The following NEK10 variants were observed in gnomAD, a reference collection of about 807,000 sequenced individuals.
The protein encoded by NEK10 is serine/threonine-protein kinase Nek10.
A neutral mutation model predicts 159.8 loss-of-function variants in NEK10; 122 were observed. The observed-to-expected ratio is 0.76, with a 90% CI of 0.66 to 0.89. The LOEUF is 0.89. Among genes scored for constraint, NEK10 ranks in the 40% least tolerant of loss-of-function variants. The probability of loss-of-function intolerance (pLI) is 0.00; values close to 1 mark genes in which losing one functional copy is unlikely to be tolerated. For missense variants in NEK10, 1,342 were observed against 1,323.1 expected, an observed-to-expected ratio of 1.01 and a Z score of -0.22; for synonymous variants, 466 against 457.1, an observed-to-expected ratio of 1.02 and a Z score of -0.25.
At chr3:27,257,788 C>CTTTTTTT (rs79727702) in intron 22 of NEK10, among the ~76,000 whole-genome samples, 41 of 130,494 alleles carry the variant, frequency 3.1e-4, no homozygotes, top group East Asian at 4.3e-4. Context: ...TTTCTTTTTT[C>CTTTTTTT]TTTTTTTTTT....
At chr3:27,313,660 T>C (rs1028192484) in intron 7 of NEK10, among the ~76,000 whole-genome samples, 1 of 152,112 alleles carries the variant, frequency 6.6e-6, no homozygotes, top group African/African-American at 2.4e-5. Flanking sequence ...CATATTTCTT[T>C]TCCTCCCACC....
chr3:27,256,443 A>G (rs1475991061), intron 22 of NEK10, 72 bp from the exon 23 acceptor site: 3 of 787,810 alleles, frequency 3.8e-6, no homozygotes, highest in Non-Finnish European at 5.8e-6. Context: ...AGCATTTGAC[A>G]ATCTACACAA....
intron 32 of NEK10, among the ~76,000 whole-genome samples, chr3:27,123,407 T>C (rs1301876327): frequency 1.3e-5 from 2 of 151,760 alleles, no homozygotes; most frequent in African/African-American, 2.4e-5. Flanking sequence ...AACTTGGAGG[T>C]AAAGGTTGGG....
chr3:27,122,213 G>C (rs1432483332), intron 32 of NEK10, among the ~76,000 whole-genome samples: 2 of 152,030 alleles, frequency 1.3e-5, no homozygotes, highest in Non-Finnish European at 2.9e-5. Flanking sequence ...TAAGTGTCTG[G>C]CATTTCCCCT....
At chr3:27,311,829 C>A in intron 8 of NEK10, 2 of 401,196 alleles carry the variant, frequency 5.0e-6, no homozygotes, top group Admixed American at 4.4e-5. Flanking sequence ...TAAAAAGACG[C>A]AAAAATAGAT....
chr3:27,346,249 T>C (rs376960607), intron 3 of NEK10, 33 bp from the exon 4 acceptor site: 7 of 1,611,598 alleles, frequency 4.3e-6, no homozygotes, highest in Non-Finnish European at 5.9e-6. Context: ...TACATGAGGA[T>C]CACAATTCAG....
intron 5 of NEK10, among the ~76,000 whole-genome samples, chr3:27,331,186 TGAGA>T (rs1161024418): frequency 7.4e-6 from 1 of 135,882 alleles, no homozygotes; most frequent in East Asian, 2.2e-4. Context: ...TGCAGTGAGC[TGAGA>T]TCAGGCCACT....
chr3:27,298,397 G>A (rs965685222), intron 13 of NEK10, among the ~76,000 whole-genome samples: 5 of 152,064 alleles, frequency 3.3e-5, no homozygotes, highest in South Asian at 2.1e-4. Flanking sequence ...CTTGCCTTCC[G>A]CCATGATTGT....
intron 32 of NEK10, among the ~76,000 whole-genome samples, chr3:27,126,994 C>T (rs1006304755): frequency 6.6e-6 from 1 of 150,790 alleles, no homozygotes; most frequent in Non-Finnish European, 1.5e-5. Flanking sequence ...AGGAGAAGCC[C>T]GGAATACACT....
chr3:27,151,274 C>T (rs770550653), intron 30 of NEK10, among the ~76,000 whole-genome samples: 1 of 152,104 alleles, frequency 6.6e-6, no homozygotes, highest in Non-Finnish European at 1.5e-5. Context: ...CCACCTCCAC[C>T]AGAACAGGCA....
At position 27,119,830 on chromosome 3, in the gene NEK10, A is replaced by G. The variant is rs756777611; in HGVS notation, c.3120T>C (p.Phe1040=). The G allele has an allele frequency of 6.2e-7, 1 of 1,614,020 alleles. No homozygotes were observed. The highest frequency in any genetic ancestry group is 1.1e-5 in the South Asian group (1 of 91,088). The stretch of plus-strand genomic sequence containing the variant: ...GTAATAAATGGTAATCTGCTGTGAA[A>G]AAGTTGGGCTCAATCGGTTCTGGAG... ...QGSPEPIEPN[F]FTADYHLLHR... Residue 1040 remains phenylalanine (F), a synonymous_variant, in exon 33 of 36, where the codon TTT becomes TTC. Coordinates refer to ENST00000691995, the MANE Select transcript of NEK10 (RefSeq NM_001394966.1).
At chr3:27,304,680 A>G (rs2044097056) in intron 12 of NEK10, 67 bp downstream of exon 12, 4 of 998,838 alleles carry the variant, frequency 4.0e-6, no homozygotes, top group South Asian at 4.0e-5. Context: ...CCAATCTGCC[A>G]TCTTGTCACA....
chr3:27,276,227 C>A (rs1189653319), intron 22 of NEK10, among the ~76,000 whole-genome samples: 1 of 151,924 alleles, frequency 6.6e-6, no homozygotes, highest in East Asian at 1.9e-4. Context: ...ATTTCTCTCA[C>A]CTCAAGGAGA....
At chr3:27,213,772 G>C (rs1049796519) in intron 23 of NEK10, among the ~76,000 whole-genome samples, 1 of 152,060 alleles carries the variant, frequency 6.6e-6, no homozygotes, top group Non-Finnish European at 1.5e-5. Context: ...AGCATCACAC[G>C]ACAGATAGCA....
chr3:27,309,200 A>G lies in NEK10; in HGVS notation c.637-195T>C, dbSNP rs138858704. The G allele has an allele frequency of 2.1e-3, 734 of 357,094 alleles. 1 individual carries two copies. The highest frequency in any genetic ancestry group is 0.013 in the African/African-American group (603 of 47,634). The allele number at this position is 357,094 out of a possible 1,614,324, so 22.1% of individuals were successfully genotyped here. A position where few individuals can be genotyped will look rare whatever the true frequency, so the allele number is the denominator to read the frequency against. ...TATGTGCATATACAATTAAGCACAA[A>G]CTATATATAATGTTAAAGCTGCTCT... On this transcript the variant is annotated intron_variant, in intron 9 of 35. Coordinates refer to ENST00000691995, the MANE Select transcript of NEK10 (RefSeq NM_001394966.1).
Position 27,309,088 on chromosome 3 carries a change from T to C in NEK10, c.637-83A>G, listed in dbSNP as rs1243506097. The C allele has an allele frequency of 7.1e-6, 5 of 700,950 alleles. No individual in the cohort carries two copies. In the Admixed American group the frequency reaches 9.7e-5, roughly 14 times the overall value. 43.4% of individuals were successfully genotyped at this position (700,950 alleles called of 1,614,324 possible). A position where few individuals can be genotyped will look rare whatever the true frequency, so the allele number is the denominator to read the frequency against. On this transcript the variant is annotated intron_variant, in intron 9 of 35. Coordinates refer to ENST00000691995, the MANE Select transcript of NEK10 (RefSeq NM_001394966.1). ...AACATTAACATTAATTTATTTTCCATTACCAGCTGCTTGAATGACAAAATG... is the reference window on the plus strand; with the variant it reads ...AACATTAACATTAATTTATTTTCCACTACCAGCTGCTTGAATGACAAAATG...
At chr3:27,286,352 G>C (rs937871190) in intron 20 of NEK10, among the ~76,000 whole-genome samples, 1 of 150,888 alleles carries the variant, frequency 6.6e-6, no homozygotes, top group Non-Finnish European at 1.5e-5. Flanking sequence ...TCCCAAAGTG[G>C]TGGGATTACA....
chr3:27,225,175 GA>G (rs1218116531), intron 23 of NEK10, among the ~76,000 whole-genome samples: 2 of 152,196 alleles, frequency 1.3e-5, no homozygotes, highest in East Asian at 3.9e-4. Flanking sequence ...ATGGGAGAAA[GA>G]TGAAGGCTGG....
chr3:27,125,079 T>C (rs1941791417), intron 32 of NEK10, among the ~76,000 whole-genome samples: 1 of 151,844 alleles, frequency 6.6e-6, no homozygotes, highest in South Asian at 2.1e-4. Context: ...TGACTGAATA[T>C]ACTTTCGAAC....
Sources: allele counts gnomAD v4.1 joint callset (sites outside exome capture counted in the v4.1 genomes callset), GRCh38; gene constraint gnomAD v4.1.1; transcripts MANE v1.5; gene names NCBI Gene and HGNC (gene_info 2026-07-23, HGNC 2026-07-21).